Variants in GRAMD1B observed in about 807,000 individuals in gnomAD.
GRAMD1B encodes protein Aster-B.
A neutral mutation model predicts 99.7 loss-of-function variants in GRAMD1B; 37 were observed. The ratio of observed to expected loss-of-function variants is 0.37; its 90% CI spans 0.29 to 0.49. The LOEUF is 0.49. Among genes scored for constraint, GRAMD1B ranks in the 20% least tolerant of loss-of-function variants. The pLI is 0.98. For missense variants in GRAMD1B, 888 were observed against 1,009.2 expected (o/e 0.88, Z 1.63); for synonymous variants, 427 against 387.6 (o/e 1.10, Z -1.19).
chr11:123,452,611 A>G (rs1020714689), intron 1 of GRAMD1B, among the ~76,000 whole-genome samples: 2 of 151,848 alleles, frequency 1.3e-5, no homozygotes, highest in African/African-American at 4.8e-5. Context: ...GTGCCACTGC[A>G]CTCCAGCCTG....
chr11:123,508,045 A>G (rs1033016108), intron 2 of GRAMD1B, among the ~76,000 whole-genome samples: 37 of 152,326 alleles, frequency 2.4e-4, no homozygotes, highest in African/African-American at 8.4e-4. Flanking sequence ...AACAGTGTTG[A>G]TCTCACAGGG....
At chr11:123,504,632 C>T (rs1394548281) in intron 2 of GRAMD1B, among the ~76,000 whole-genome samples, 1 of 152,184 alleles carries the variant, frequency 6.6e-6, no homozygotes, top group African/African-American at 2.4e-5. Flanking sequence ...CACAGCTCCT[C>T]TCTGTTTCAC....
intron 4 of GRAMD1B, among the ~76,000 whole-genome samples, chr11:123,593,222 ACT>A (rs1251050416): frequency 1.9e-4 from 29 of 150,270 alleles, no homozygotes; most frequent in Admixed American, 9.9e-4. Flanking sequence ...ACAGAGCGAG[ACT>A]CTGTCTAAAC....
rs907036750 is a variant in GRAMD1B, at chr11:123,587,694, A to G, written c.684+3362A>G. 1.3e-5 allele frequency among the ~76,000 whole-genome samples: 2 copies of G among 152,174 alleles called. No individual in the cohort carries two copies. Among genetic ancestry groups the G allele is most frequent in the Non-Finnish European group, 2.9e-5 (2 of 68,040 alleles). On this transcript the variant is annotated intron_variant, in intron 4 of 19. Coordinates refer to ENST00000635736, the MANE Select transcript of GRAMD1B (RefSeq NM_001387025.1). This position sits in a 1 kb window ranked among gnomAD's most constrained non-coding sequence, Gnocchi z 4.2. ...AGACCCTGGCAGCCGCCTGAGACTT[A>G]GCACCCTGCTTGCCTGAAGCACCTG...
At chr11:123,436,489 A>G (rs772789792) in intron 1 of GRAMD1B, among the ~76,000 whole-genome samples, 1 of 152,248 alleles carries the variant, frequency 6.6e-6, no homozygotes, top group Non-Finnish European at 1.5e-5. Context: ...TTGAATTTCA[A>G]TGAATCACTC....
At chr11:123,601,482 A>G (rs1190316525) in intron 8 of GRAMD1B, among the ~76,000 whole-genome samples, 1 of 151,822 alleles carries the variant, frequency 6.6e-6, no homozygotes, top group Non-Finnish European at 1.5e-5. Flanking sequence ...GCACCGACAC[A>G]CACACATAAT....
At chr11:123,477,177 T>C (rs1016905339) in intron 1 of GRAMD1B, among the ~76,000 whole-genome samples, 5 of 149,166 alleles carry the variant, frequency 3.4e-5, no homozygotes, top group African/African-American at 1.2e-4. Context: ...TTTCTTTCTT[T>C]TTCTCTTTCT....
intron 3 of GRAMD1B, among the ~76,000 whole-genome samples, chr11:123,578,835 T>C (rs1949025581): frequency 6.6e-6 from 1 of 152,148 alleles, no homozygotes; most frequent in African/African-American, 2.4e-5. Context: ...TGATTCTGGA[T>C]TGCCCAGCAG....
At chr11:123,563,866 G>A (rs1002351999) in intron 2 of GRAMD1B, among the ~76,000 whole-genome samples, 1 of 152,194 alleles carries the variant, frequency 6.6e-6, no homozygotes, top group South Asian at 2.1e-4. Context: ...TTAGACTAAA[G>A]CCTCTCTTGG....
chr11:123,436,372 T>C (rs563556569), intron 1 of GRAMD1B, among the ~76,000 whole-genome samples: 1 of 152,298 alleles, frequency 6.6e-6, no homozygotes, highest in African/African-American at 2.4e-5. Context: ...AGTTTGGATG[T>C]GTTGGCTTGA....
At chr11:123,543,672 C>T (rs957258610) in intron 2 of GRAMD1B, among the ~76,000 whole-genome samples, 2 of 152,204 alleles carry the variant, frequency 1.3e-5, no homozygotes, top group African/African-American at 4.8e-5. Context: ...GGGTAAAATA[C>T]TTGCATTCCT....
At chr11:123,540,172 C>G (rs2135688595) in intron 2 of GRAMD1B, among the ~76,000 whole-genome samples, 1 of 151,810 alleles carries the variant, frequency 6.6e-6, no homozygotes, top group African/African-American at 2.4e-5. Context: ...CTCAAGTGAT[C>G]CTCCCACCTC....
intron 6 of GRAMD1B, among the ~76,000 whole-genome samples, chr11:123,595,537 G>T (rs1244237016): frequency 2.6e-5 from 4 of 151,972 alleles, no homozygotes; most frequent in African/African-American, 9.7e-5. Context: ...CAGGTGATCC[G>T]CCCGCCTCCG....
intron 1 of GRAMD1B, among the ~76,000 whole-genome samples, chr11:123,411,854 T>C (rs1458166913): frequency 6.6e-6 from 1 of 152,110 alleles, no homozygotes; most frequent in Non-Finnish European, 1.5e-5. Flanking sequence ...TTTGCCATAT[T>C]GTCAGGCTGG....
intron 2 of GRAMD1B, among the ~76,000 whole-genome samples, chr11:123,512,731 T>C (rs1225319231): frequency 7.4e-6 from 1 of 134,652 alleles, no homozygotes. Flanking sequence ...TTTTTTAACC[T>C]TCTCTAATCC....
At chr11:123,412,410 G>A (rs1259608300) in intron 1 of GRAMD1B, among the ~76,000 whole-genome samples, 3 of 152,220 alleles carry the variant, frequency 2.0e-5, no homozygotes, top group African/African-American at 7.2e-5. Flanking sequence ...AATGCATGAT[G>A]TGCATATTAT....
chr11:123,613,796 C>A (rs1953945517), intron 16 of GRAMD1B, 138 bp downstream of exon 16: 1 of 648,772 alleles, frequency 1.5e-6, no homozygotes, highest in Non-Finnish European at 2.7e-6. Context: ...GTCACTAAAT[C>A]TGAGGCTCCC....
At chr11:123,433,092 G>A (rs1948977426) in intron 1 of GRAMD1B, among the ~76,000 whole-genome samples, 2 of 152,052 alleles carry the variant, frequency 1.3e-5, no homozygotes, top group Admixed American at 6.5e-5. Context: ...GGTGGCTAAT[G>A]CCTGTAATCC....
intron 2 of GRAMD1B, among the ~76,000 whole-genome samples, chr11:123,512,110 C>G (rs1055469471): frequency 6.6e-6 from 1 of 152,212 alleles, no homozygotes; most frequent in African/African-American, 2.4e-5. Flanking sequence ...TGAATAGCCC[C>G]TTTGAATATG....
Sources: gnomAD v4.1 joint callset for allele counts (sites outside exome capture counted in the v4.1 genomes callset) on GRCh38, gnomAD v4.1.1 for gene constraint, Gnocchi (gnomAD v3.1) non-coding constraint, MANE v1.5 for transcripts, NCBI Gene and HGNC (gene_info 2026-07-23, HGNC 2026-07-21) for gene names.